Variants in COL4A3 observed in about 807,000 individuals in gnomAD.
The protein encoded by COL4A3 is collagen type IV alpha 3 chain.
Under a neutral mutation model 217.4 loss-of-function variants are expected in COL4A3, and 135 were observed. The ratio of observed to expected loss-of-function variants is 0.62; its 90% confidence interval spans 0.54 to 0.72. The LOEUF is 0.72. COL4A3 is among the 30% of genes least tolerant of loss of function. COL4A3 has a pLI of 0.00. For missense variants in COL4A3, 1,868 were observed against 2,119.9 expected (o/e 0.88, Z 2.33); for synonymous variants, 690 against 736.3 (o/e 0.94, Z 1.02).
At chr2:227,207,980 T>C (rs977110790) in intron 1 of COL4A3, among the ~76,000 whole-genome samples, 1 of 152,122 alleles carries the variant, frequency 6.6e-6, no homozygotes, top group African/African-American at 2.4e-5. Context: ...TGCATTCTCC[T>C]CTTAGAAAAA....
chr2:227,304,407 G>C, intron 46 of COL4A3: 1 of 452,060 alleles, frequency 2.2e-6, no homozygotes, highest in Non-Finnish European at 4.0e-6. Flanking sequence ...TTTTTATTAA[G>C]GTAAAGGTAT....
chr2:227,165,241 A>G (rs916627397), intron 1 of COL4A3, among the ~76,000 whole-genome samples: 1 of 152,196 alleles, frequency 6.6e-6, no homozygotes, highest in African/African-American at 2.4e-5. Context: ...ACCTGCAGGG[A>G]GTCCCAGCCG....
At chr2:227,203,742 T>C (rs201512439) in intron 1 of COL4A3, among the ~76,000 whole-genome samples, 1 of 101,984 alleles carries the variant, frequency 9.8e-6, no homozygotes, top group Non-Finnish European at 1.9e-5. Context: ...TATGTGTATA[T>C]ATACATATAT....
chr2:227,243,314 A>T (rs2069134173), intron 3 of COL4A3, among the ~76,000 whole-genome samples: 1 of 152,260 alleles, frequency 6.6e-6, no homozygotes, highest in Admixed American at 6.5e-5. Flanking sequence ...TAATACAATC[A>T]AAGGCAGACA....
chr2:227,276,977 C>T (rs987662693), intron 27 of COL4A3, among the ~76,000 whole-genome samples: 4 of 152,092 alleles, frequency 2.6e-5, no homozygotes, highest in African/African-American at 9.7e-5. Context: ...AAAGATTAGT[C>T]CATTGGATAG....
chr2:227,237,956 C>T lies in COL4A3; in HGVS notation c.88-12C>T. ...TTTCTAAACAAAACCCTTTCTCTTT[C>T]CCTCTTCCTAGGGTTGTGTCTGTAA... On this transcript the variant is annotated splice_polypyrimidine_tract_variant and intron_variant, in intron 1 of 51. Coordinates refer to ENST00000396578, the MANE Select transcript of COL4A3 (RefSeq NM_000091.5). 6.2e-7 allele frequency: 1 copy of T among 1,602,566 alleles called. No homozygotes were observed. The highest frequency in any genetic ancestry group is 8.5e-7 in the Non-Finnish European group (1 of 1,169,780).
intron 31 of COL4A3, among the ~76,000 whole-genome samples, chr2:227,281,218 A>T (rs1264899676): frequency 6.6e-6 from 1 of 152,196 alleles, no homozygotes; most frequent in African/African-American, 2.4e-5. Context: ...AAGTTAATAT[A>T]GTGAGTTGCT....
intron 1 of COL4A3, among the ~76,000 whole-genome samples, chr2:227,208,290 G>A (rs554514387): frequency 2.3e-4 from 35 of 152,276 alleles, no homozygotes; most frequent in African/African-American, 8.2e-4. Context: ...TACAAGATGA[G>A]AAATTACAGT....
intron 17 of COL4A3, among the ~76,000 whole-genome samples, chr2:227,257,046 G>T (rs1228146618): frequency 6.6e-6 from 1 of 152,142 alleles, no homozygotes; most frequent in African/African-American, 2.4e-5. Flanking sequence ...TCTAAACATA[G>T]AAAATATGTA....
intron 25 of COL4A3, among the ~76,000 whole-genome samples, chr2:227,272,087 A>G (rs1378932803): frequency 1.3e-5 from 2 of 152,206 alleles, no homozygotes; most frequent in African/African-American, 4.8e-5. Flanking sequence ...GGCAGCATCT[A>G]TGGTGCCAGC....
rs117303121 is a variant in COL4A3 at position 227,201,766 on chromosome 2, A to G, written c.88-36202A>G. On this transcript the variant is annotated intron_variant, in intron 1 of 51. Coordinates refer to ENST00000396578, the MANE Select transcript of COL4A3 (RefSeq NM_000091.5). ...TATGGGACTCAAGCATTGCAACTGT[A>G]TGTGTTTCTCCTATTGAAATTAATT... Among the ~76,000 whole-genome samples the G allele has an allele frequency of 7.8e-4, 119 of 152,308 alleles. 1 individual carries two copies. The East Asian group carries it at 0.022, about 28-fold the overall frequency.
chr2:227,219,858 G>A (rs4616471), intron 1 of COL4A3, among the ~76,000 whole-genome samples: 68,403 of 151,962 alleles, frequency 0.45, 16,720 homozygotes, highest in Non-Finnish European at 0.57. Flanking sequence ...TATGTATTGA[G>A]CATCTTCTGT....
In COL4A3 at chr2:227,282,275, A is replaced by AATATATATATATATATATATATATAT. The variant is rs72371878; in HGVS notation, c.2489-89_2489-64dup. 4 of 334,842 alleles carry AATATATATATATATATATATATATAT rather than the reference A, an allele frequency of 1.2e-5. No individual in the cohort carries two copies. The highest frequency in any genetic ancestry group is 1.0e-4 in the African/African-American group (4 of 39,768). 20.7% of individuals were successfully genotyped at this position (334,842 alleles called of 1,614,324 possible). ...AGACAGAGGGAGATTCCATCTTAAA[A>AATATATATATATATATATATATATAT]ATATATATATATATATATATATATA... On this transcript the variant is annotated intron_variant, in intron 31 of 51. Transcript: ENST00000396578. The surrounding 1 kb of genome is among the most constrained non-coding windows in gnomAD (Gnocchi z 4.4).
intron 34 of COL4A3, among the ~76,000 whole-genome samples, chr2:227,285,239 A>G (rs1395498209): frequency 1.4e-5 from 2 of 145,030 alleles, no homozygotes; most frequent in Admixed American, 1.4e-4. Context: ...TGCATGGCAC[A>G]TGAGGATGTA....
chr2:227,289,322 T>C, intron 35 of COL4A3, 74 bp downstream of exon 35: 2 of 1,252,006 alleles, frequency 1.6e-6, no homozygotes, highest in Non-Finnish European at 2.3e-6. Flanking sequence ...AAGTTGTTTC[T>C]AGGCTTACTG....
In COL4A3 at chr2:227,270,968, C is replaced by G. The variant is rs1166891836; in HGVS notation, c.1758+16C>G. ...AGGCGAACTGGTTGGTATTTAGCAA[C>G]TTTACCCTCCCTATAAATGAAGTAC... On this transcript the variant is annotated intron_variant, in intron 25 of 51. Coordinates refer to ENST00000396578, the MANE Select transcript of COL4A3 (RefSeq NM_000091.5). The G allele has an allele frequency of 6.2e-7, 1 of 1,612,962 alleles. No individual in the cohort carries two copies. The highest frequency in any genetic ancestry group is 8.5e-7 in the Non-Finnish European group (1 of 1,178,976).
chr2:227,170,911 A>G (rs1406560584), intron 1 of COL4A3, among the ~76,000 whole-genome samples: 1 of 152,220 alleles, frequency 6.6e-6, no homozygotes, highest in African/African-American at 2.4e-5. Flanking sequence ...TAAGAAAATC[A>G]TACATTCTTT....
At chr2:227,300,524 A>G (rs1285567268) in intron 43 of COL4A3, among the ~76,000 whole-genome samples, 1 of 152,226 alleles carries the variant, frequency 6.6e-6, no homozygotes, top group Non-Finnish European at 1.5e-5. Context: ...GCTTTCTCTT[A>G]GCAGCGTATT....
In COL4A3 at chr2:227,294,253, T is replaced by G. The variant is rs977040671; in HGVS notation, c.3338-237T>G. The G allele has an allele frequency of 2.3e-5, 12 of 528,350 alleles. No homozygotes were observed. In the South Asian group the frequency reaches 2.8e-4, roughly 12 times the overall value. 32.7% of individuals were successfully genotyped at this position (528,350 alleles called of 1,614,324 possible). A position where few individuals can be genotyped will look rare whatever the true frequency, so the allele number is the denominator to read the frequency against. ...TCGCAATTAAAATAAAATCGCATATTGAGTGGTGCTTGTGGTTGGTGTACA... is the reference window on the plus strand; with the variant it reads ...TCGCAATTAAAATAAAATCGCATATGGAGTGGTGCTTGTGGTTGGTGTACA... On this transcript the variant is annotated intron_variant, in intron 38 of 51. Coordinates refer to ENST00000396578, the MANE Select transcript of COL4A3 (RefSeq NM_000091.5).
Sources: allele counts gnomAD v4.1 joint callset (sites outside exome capture counted in the v4.1 genomes callset), GRCh38; gene constraint gnomAD v4.1.1; non-coding constraint Gnocchi (gnomAD v3.1); transcripts MANE v1.5; gene names NCBI Gene and HGNC (gene_info 2026-07-23, HGNC 2026-07-21).